Variants in EPHB1 observed in about 807,000 individuals in gnomAD.
EPHB1 encodes the protein EPH receptor B1.
EPHB1 carries 30 observed loss-of-function variants against 94.4 expected under a neutral mutation model. That is an observed-to-expected ratio of 0.32 (90% CI 0.24 to 0.43). The LOEUF (loss-of-function observed/expected upper bound fraction) is 0.43, where lower values mean the gene tolerates loss of function less well. Among genes scored for constraint, EPHB1 ranks in the 20% least tolerant of loss-of-function variants. EPHB1 has a pLI of 1.00. For synonymous variants in EPHB1, 522 were observed against 489.1 expected, an observed-to-expected ratio of 1.07 and a Z score of -0.89; for missense variants, 1,055 against 1,308.3, an observed-to-expected ratio of 0.81 and a Z score of 2.99.
At chr3:135,172,655 A>G (rs1277917777) in intron 9 of EPHB1, among the ~76,000 whole-genome samples, 1 of 152,226 alleles carries the variant, frequency 6.6e-6, no homozygotes, top group Non-Finnish European at 1.5e-5. Context: ...TCCCTGGAGG[A>G]GGGAGACTGG....
intron 1 of EPHB1, among the ~76,000 whole-genome samples, chr3:134,875,282 A>G (rs2108309188): frequency 6.6e-6 from 1 of 152,276 alleles, no homozygotes. Context: ...GAAACAACTG[A>G]CCTGCCCACC....
intron 1 of EPHB1, among the ~76,000 whole-genome samples, chr3:134,849,950 G>T (rs2036947125): frequency 1.3e-5 from 2 of 152,312 alleles, no homozygotes; most frequent in South Asian, 4.1e-4. Context: ...ATCCTGGGAA[G>T]AGGACCACCA....
At chr3:135,176,977 G>T (rs1026435913) in intron 9 of EPHB1, among the ~76,000 whole-genome samples, 1 of 151,914 alleles carries the variant, frequency 6.6e-6, no homozygotes, top group East Asian at 1.9e-4. Context: ...CCCACCCTCC[G>T]CTTGCTTCCT....
intron 3 of EPHB1, among the ~76,000 whole-genome samples, chr3:134,977,658 G>C (rs1334284674): frequency 1.3e-5 from 2 of 152,022 alleles, no homozygotes; most frequent in Non-Finnish European, 2.9e-5. Context: ...TGTGTAGAGG[G>C]TGCTCCTTTG....
At chr3:135,022,944 GCTCCACATTTAGA>G (rs1936034187) in intron 3 of EPHB1, among the ~76,000 whole-genome samples, 1 of 152,134 alleles carries the variant, frequency 6.6e-6, no homozygotes, top group African/African-American at 2.4e-5. Context: ...TGTGTTTGTT[GCTCCACATTTAGA>G]CAGTGTGTTG....
chr3:135,161,902 T>C, intron 6 of EPHB1, 116 bp from the exon 7 acceptor site: 1 of 1,160,656 alleles, frequency 8.6e-7, no homozygotes, highest in Non-Finnish European at 1.2e-6. Flanking sequence ...TGATGACAAC[T>C]GCTAGCAGAT....
chr3:134,976,197 A>G (rs561554491), intron 3 of EPHB1, among the ~76,000 whole-genome samples: 26 of 152,324 alleles, frequency 1.7e-4, no homozygotes, highest in African/African-American at 6.3e-4. Context: ...ACATGAATTC[A>G]GAGATCTATG....
At chr3:134,842,360 C>A (rs1302517100) in intron 1 of EPHB1, among the ~76,000 whole-genome samples, 1 of 152,150 alleles carries the variant, frequency 6.6e-6, no homozygotes, top group Non-Finnish European at 1.5e-5. Context: ...GACAGTTGGG[C>A]TCCTAGGAGA....
intron 3 of EPHB1, among the ~76,000 whole-genome samples, chr3:135,054,569 C>T (rs1284412392): frequency 1.3e-5 from 2 of 152,148 alleles, no homozygotes; most frequent in African/African-American, 4.8e-5. Flanking sequence ...GCCAGCTAAC[C>T]CCCCCATTAT....
chr3:135,154,043 G>T, intron 5 of EPHB1, 109 bp from the exon 6 acceptor site: 1 of 1,444,226 alleles, frequency 6.9e-7, no homozygotes, highest in South Asian at 1.3e-5. Context: ...TAAAGAAGGA[G>T]CAGAGTTCAA....
At chr3:135,226,266 C>A (rs1309807781) in intron 12 of EPHB1, among the ~76,000 whole-genome samples, 1 of 152,218 alleles carries the variant, frequency 6.6e-6, no homozygotes, top group African/African-American at 2.4e-5. Flanking sequence ...CTCTTCAAAG[C>A]CTTTGCCACA....
At chr3:134,985,568 C>T (rs189441778) in intron 3 of EPHB1, among the ~76,000 whole-genome samples, 201 of 152,278 alleles carry the variant, frequency 1.3e-3, no homozygotes, top group African/African-American at 4.4e-3. Context: ...GCAAGAAGGA[C>T]GTTTCTGTAT....
chr3:135,153,219 G>A (rs1042874465), intron 5 of EPHB1, among the ~76,000 whole-genome samples: 7 of 152,140 alleles, frequency 4.6e-5, no homozygotes, highest in African/African-American at 1.7e-4. Context: ...ATTGTAAAGT[G>A]GAGTTTGAGT....
At chr3:135,217,858 A>T (rs184923487) in intron 12 of EPHB1, among the ~76,000 whole-genome samples, 12 of 152,310 alleles carry the variant, frequency 7.9e-5, no homozygotes. Context: ...GTTGCTTCTC[A>T]GTCGGGTCGA....
intron 1 of EPHB1, among the ~76,000 whole-genome samples, chr3:134,891,196 GCCTCCTAGGCT>G (rs1394549330): frequency 1.3e-5 from 2 of 152,158 alleles, no homozygotes; most frequent in Non-Finnish European, 2.9e-5. Flanking sequence ...ACTTGCACCT[GCCTCCTAGGCT>G]CAAGCAATCC....
intron 12 of EPHB1, among the ~76,000 whole-genome samples, chr3:135,236,681 G>A (rs1026437193): frequency 3.9e-5 from 6 of 152,060 alleles, no homozygotes; most frequent in Non-Finnish European, 7.4e-5. Context: ...AACTTCAAGG[G>A]GATCCTCTCA....
intron 1 of EPHB1, among the ~76,000 whole-genome samples, chr3:134,853,411 T>C (rs1353471944): frequency 1.3e-5 from 2 of 152,138 alleles, no homozygotes; most frequent in Non-Finnish European, 2.9e-5. Flanking sequence ...CAGACATGTT[T>C]TGGGGATAAA....
chr3:135,201,747 C>A, intron 12 of EPHB1, 58 bp downstream of exon 12: 1 of 1,529,554 alleles, frequency 6.5e-7, no homozygotes, highest in Non-Finnish European at 9.0e-7. Flanking sequence ...GGGGACTCTA[C>A]ATGGCTGGGA....
At chr3:135,125,636 A>T (rs886243725) in intron 4 of EPHB1, among the ~76,000 whole-genome samples, 18 of 152,218 alleles carry the variant, frequency 1.2e-4, no homozygotes, top group African/African-American at 4.3e-4. Flanking sequence ...GTTTTCAAAT[A>T]ACCATTTATC....
Sources: gnomAD v4.1 joint callset for allele counts (sites outside exome capture counted in the v4.1 genomes callset) on GRCh38, gnomAD v4.1.1 for gene constraint, MANE v1.5 for transcripts, NCBI Gene and HGNC (gene_info 2026-07-23, HGNC 2026-07-21) for gene names.